MYBL1: variants seen among roughly 807,000 people sequenced by gnomAD.
MYBL1 encodes myb-related protein A.
MYBL1 carries 17 observed loss-of-function variants against 96.3 expected under a neutral mutation model. The ratio of observed to expected loss-of-function variants is 0.18; its 90% CI spans 0.12 to 0.26. The LOEUF is 0.26. Ranked by LOEUF, MYBL1 falls within the 10% of genes least tolerant of loss-of-function variation. MYBL1 has a pLI of 1.00. For synonymous variants in MYBL1, 282 were observed against 292.7 expected (o/e 0.96, Z 0.37); for missense variants, 701 against 882.9 (o/e 0.79, Z 2.61).
At chr8:66,590,004 G>A (rs960082811) in intron 8 of MYBL1, among the ~76,000 whole-genome samples, 2 of 151,952 alleles carry the variant, frequency 1.3e-5, no homozygotes, top group East Asian at 1.9e-4. Context: ...AACCTAAGAG[G>A]CTGAGGCTGC....
chr8:66,609,569 C>G (rs1461111198), intron 1 of MYBL1, among the ~76,000 whole-genome samples: 3 of 152,052 alleles, frequency 2.0e-5, no homozygotes, highest in Non-Finnish European at 4.4e-5. Flanking sequence ...TATTTTATTT[C>G]CAAATCTGGA....
chr8:66,597,285 G>A (rs1489757891), intron 5 of MYBL1, 45 bp downstream of exon 5: 3 of 1,330,156 alleles, frequency 2.3e-6, no homozygotes, highest in East Asian at 2.5e-5. Flanking sequence ...GGTAATAAAG[G>A]TCATGTTTAA....
chr8:66,608,729 T>C (rs1308509550), intron 1 of MYBL1, among the ~76,000 whole-genome samples: 1 of 152,170 alleles, frequency 6.6e-6, no homozygotes, highest in Admixed American at 6.5e-5. Context: ...TTCTGTATTA[T>C]AACAATCAAT....
At chr8:66,566,391 T>C (rs1444492699) in intron 14 of MYBL1, 148 bp from the exon 15 acceptor site, 2 of 547,044 alleles carry the variant, frequency 3.7e-6, no homozygotes, top group African/African-American at 3.9e-5. Flanking sequence ...TGTAGTAATA[T>C]TATTTTGGAA....
chr8:66,566,156 C>G lies in MYBL1; in HGVS notation c.2038G>C (p.Asp680His). 1 of 1,538,520 alleles carries G rather than the reference C, an allele frequency of 6.5e-7. No homozygotes were observed. Among genetic ancestry groups the G allele is most frequent in the Non-Finnish European group, 8.8e-7 (1 of 1,134,674 alleles). The change falls in exon 15 of 16, where the codon GAT becomes CAT. Residue 680 changes from aspartate (D) to histidine (H), a missense_variant. Asp to His is a moderately conservative substitution (Grantham distance 81). Coordinates refer to ENST00000522677, the MANE Select transcript of MYBL1 (RefSeq NM_001080416.4). ...TATGTTTTGTTGGTTGAATTTATAT[C>G]TTGTTTTTCAGGAATCAAGTTGCAC... Reference protein sequence around the residue: ...NRCNLIPEKQDINSTNKTYTL... With the variant: ...NRCNLIPEKQHINSTNKTYTL...
intron 14 of MYBL1, 129 bp downstream of exon 14, chr8:66,566,555 C>T: frequency 1.7e-6 from 1 of 598,164 alleles, no homozygotes. Flanking sequence ...GTGAATTAGG[C>T]AAAATGATAC....
chr8:66,581,501 A>AC (rs1329111331), intron 8 of MYBL1, among the ~76,000 whole-genome samples: 4 of 151,904 alleles, frequency 2.6e-5, no homozygotes, highest in Middle Eastern at 3.2e-3. Context: ...ACATAACGAA[A>AC]CCCCATCTCT....
chr8:66,578,896 A>G (rs1439636728), intron 9 of MYBL1, among the ~76,000 whole-genome samples: 1 of 152,350 alleles, frequency 6.6e-6, no homozygotes, highest in East Asian at 1.9e-4. Flanking sequence ...AATACTATGC[A>G]GCCATAAAAA....
At chr8:66,597,085 A>G (rs548548549) in intron 5 of MYBL1, among the ~76,000 whole-genome samples, 1 of 152,314 alleles carries the variant, frequency 6.6e-6, no homozygotes, top group South Asian at 2.1e-4. Context: ...AAATGTTTAT[A>G]TAATCTAAAA....
chr8:66,610,436 CAT>C (rs1810483407), intron 1 of MYBL1, among the ~76,000 whole-genome samples: 1 of 150,630 alleles, frequency 6.6e-6, no homozygotes, highest in African/African-American at 2.4e-5. Context: ...ACATAGGAAA[CAT>C]ATATTACAGG....
At chr8:66,610,139 G>A (rs541187929) in intron 1 of MYBL1, among the ~76,000 whole-genome samples, 1 of 151,932 alleles carries the variant, frequency 6.6e-6, no homozygotes, top group African/African-American at 2.4e-5. Context: ...ACTGACTTTC[G>A]AATCTAAAAT....
rs1444449866 is a variant in MYBL1 at position 66,564,013 on chromosome 8, C to T, written c.*684G>A. The T allele has an allele frequency of 6.6e-6, 1 of 152,364 alleles. No individual in the cohort carries two copies. Among genetic ancestry groups the T allele is most frequent in the Non-Finnish European group, 1.5e-5 (1 of 67,902 alleles). The allele number at this position is 152,364 out of a possible 1,614,324, so 9.4% of individuals were successfully genotyped here. On this transcript the variant is annotated 3_prime_UTR_variant, in exon 16 of 16. Coordinates refer to ENST00000522677, the MANE Select transcript of MYBL1 (RefSeq NM_001080416.4). ...TCCAATTTACAAAGTTCTCCTGCTC[C>T]TACATACTGTACAATACATTCAACA...
chr8:66,605,477 G>A (rs918302297), intron 1 of MYBL1, among the ~76,000 whole-genome samples: 8 of 152,088 alleles, frequency 5.3e-5, no homozygotes, highest in African/African-American at 1.2e-4. Flanking sequence ...AAAAGAAAAA[G>A]CAATTTTAAA....
chr8:66,592,320 A>G (rs984512546), intron 8 of MYBL1, 120 bp downstream of exon 8: 1 of 692,352 alleles, frequency 1.4e-6, no homozygotes, highest in African/African-American at 1.9e-5. Flanking sequence ...AAAAAAACAA[A>G]ACTATTTTTA....
chr8:66,603,094 C>CTACCATATACCTTG (rs1354010454), intron 1 of MYBL1, among the ~76,000 whole-genome samples: 2 of 151,966 alleles, frequency 1.3e-5, no homozygotes, highest in African/African-American at 4.8e-5. Context: ...GGATATGCCA[C>CTACCATATACCTTG]TACGGGAAAA....
chr8:66,572,219 C>G lies in MYBL1; in HGVS notation c.1728+263G>C, dbSNP rs575717451. On this transcript the variant is annotated intron_variant, in intron 12 of 15. Transcript: ENST00000522677. Reference sequence around the variant, plus strand: ...CCTGTAATACCAGCTACTAAGGAGGCTGAGGCATGAGGATCACTTGAACCC... The same window carrying G: ...CCTGTAATACCAGCTACTAAGGAGGGTGAGGCATGAGGATCACTTGAACCC... Among the ~76,000 whole-genome samples the G allele has an allele frequency of 3.3e-5, 5 of 151,564 alleles. No individual in the cohort carries two copies. In the East Asian group the frequency reaches 9.7e-4, roughly 29 times the overall value.
chr8:66,603,488 CTTT>C (rs761761993), intron 1 of MYBL1, among the ~76,000 whole-genome samples: 1 of 144,430 alleles, frequency 6.9e-6, no homozygotes, highest in Admixed American at 6.9e-5. Context: ...AACATTCTGA[CTTT>C]TTTTTTTTTT....
intron 3 of MYBL1, among the ~76,000 whole-genome samples, chr8:66,601,258 T>C (rs1810061932): frequency 7.1e-6 from 1 of 140,438 alleles, no homozygotes; most frequent in Admixed American, 7.3e-5. Context: ...GAACAGCAGG[T>C]GAATAGTAGT....
At chr8:66,601,461 T>C (rs1331755705) in intron 3 of MYBL1, among the ~76,000 whole-genome samples, 3 of 152,174 alleles carry the variant, frequency 2.0e-5, no homozygotes, top group Admixed American at 2.0e-4. Flanking sequence ...ATTATCATTT[T>C]TGTTTTAAGT....
Sources: allele counts gnomAD v4.1 joint callset (sites outside exome capture counted in the v4.1 genomes callset), GRCh38; gene constraint gnomAD v4.1.1; transcripts MANE v1.5; gene names NCBI Gene and HGNC (gene_info 2026-07-23, HGNC 2026-07-21).